Variants in SGCD observed in about 807,000 individuals in gnomAD.
SGCD encodes sarcoglycan delta, also known as delta-sarcoglycan.
Under a neutral mutation model 36.6 loss-of-function variants are expected in SGCD, and 18 were observed. That is an observed-to-expected ratio of 0.49 (90% confidence interval 0.34 to 0.73). The LOEUF (loss-of-function observed/expected upper bound fraction) is 0.73. Ranked by LOEUF, SGCD falls within the 30% of genes least tolerant of loss-of-function variation. The probability of loss-of-function intolerance (pLI) is 0.01; values close to 1 mark genes in which losing one functional copy is unlikely to be tolerated. For missense variants in SGCD, 387 were observed against 346.7 expected (o/e 1.12, Z -0.92); for synonymous variants, 133 against 130.6 (o/e 1.02, Z -0.12).
chr5:156,749,541 G>A (rs1281941398), intron 7 of SGCD, among the ~76,000 whole-genome samples: 4 of 152,166 alleles, frequency 2.6e-5, no homozygotes, highest in South Asian at 4.2e-4. Flanking sequence ...AAAAAAATAT[G>A]TGGGACAAAA....
At chr5:156,192,850 T>C (rs1311792548) in intron 3 of SGCD, among the ~76,000 whole-genome samples, 1 of 92,656 alleles carries the variant, frequency 1.1e-5, no homozygotes, top group Non-Finnish European at 2.2e-5. Context: ...TGGATGAACT[T>C]CTGTAAGAAG....
At chr5:155,736,138 C>G in the SGCD span, among the ~76,000 whole-genome samples, 1 of 152,198 alleles carries the variant, frequency 6.6e-6, no homozygotes, top group Admixed American at 6.5e-5. Context: ...TGTTAACACA[C>G]AGATCTTTAT....
intron 4 of SGCD, among the ~76,000 whole-genome samples, chr5:156,544,745 G>A (rs768246209): frequency 2.0e-5 from 3 of 151,988 alleles, no homozygotes; most frequent in Non-Finnish European, 2.9e-5. Flanking sequence ...TACACTCAAA[G>A]GTATGTACAC....
At chr5:156,681,443 A>G (rs1753718451) in intron 7 of SGCD, among the ~76,000 whole-genome samples, 3 of 152,180 alleles carry the variant, frequency 2.0e-5, no homozygotes, top group Admixed American at 2.0e-4. Flanking sequence ...TGCCAGCTGA[A>G]GTCTTTTATG....
chr5:155,741,692 T>C, the SGCD span, among the ~76,000 whole-genome samples: 82 of 150,398 alleles, frequency 5.5e-4, no homozygotes, highest in African/African-American at 1.2e-3. Flanking sequence ...CTTTTCTTTT[T>C]TTTTTTTTTT....
intron 4 of SGCD, among the ~76,000 whole-genome samples, chr5:156,539,123 C>T (rs909361760): frequency 6.6e-6 from 1 of 151,862 alleles, no homozygotes; most frequent in Non-Finnish European, 1.5e-5. Flanking sequence ...GTCTAAGGTT[C>T]GTGTATTGAG....
chr5:156,030,768 G>C (rs997290981), intron 1 of SGCD, among the ~76,000 whole-genome samples: 1 of 152,090 alleles, frequency 6.6e-6, no homozygotes, highest in East Asian at 1.9e-4. Flanking sequence ...AGAGTGAGCA[G>C]GGTTGGGACA....
At chr5:155,917,652 G>A (rs914244531) in intron 1 of SGCD, among the ~76,000 whole-genome samples, 18 of 152,188 alleles carry the variant, frequency 1.2e-4, no homozygotes, top group African/African-American at 4.3e-4. Context: ...TTTGCTCCCA[G>A]GAATACCAAG....
intron 7 of SGCD, among the ~76,000 whole-genome samples, chr5:156,736,634 C>T (rs1202692750): frequency 6.6e-6 from 1 of 152,116 alleles, no homozygotes; most frequent in East Asian, 1.9e-4. Flanking sequence ...TACCTGAGCC[C>T]CATCTCCAAG....
chr5:156,121,285 T>C (rs1166050084), intron 2 of SGCD, among the ~76,000 whole-genome samples: 1 of 152,218 alleles, frequency 6.6e-6, no homozygotes, highest in Non-Finnish European at 1.5e-5. Context: ...ACTAACATTA[T>C]GTACAGTAAT....
In SGCD at chr5:156,447,765, A is replaced by G. The variant is rs369348720; in HGVS notation, c.193-60836A>G. On this transcript the variant is annotated intron_variant, in intron 3 of 8. Transcript: ENST00000337851. ...AAACCACCATGATACATGTTCACCT[A>G]TGTAACAAACCTGCGCATCCTGCAC... Among the ~76,000 whole-genome samples, 3 of 152,326 alleles carry G rather than the reference A, an allele frequency of 2.0e-5. No homozygotes were observed. In the East Asian group the frequency reaches 5.8e-4, roughly 29 times the overall value.
intron 7 of SGCD, among the ~76,000 whole-genome samples, chr5:156,697,150 A>G (rs534750820): frequency 1.3e-5 from 2 of 152,050 alleles, no homozygotes; most frequent in Admixed American, 1.3e-4. Context: ...GGTGATGAAA[A>G]TGTTCTAAAA....
At position 156,185,505 on chromosome 5, in the gene SGCD, C is replaced by T. The variant is rs150163896; in HGVS notation, c.-44+61486C>T. Among the ~76,000 whole-genome samples the T allele has an allele frequency of 7.2e-3, 1,090 of 152,136 alleles. 9 individuals are homozygous for T. The highest frequency in any genetic ancestry group is 0.018 in the African/African-American group (745 of 41,516). ...CTGGGATTACAGATGTGAGCCACCG[C>T]GCCTGGCCTCTTTTAATTTTTTTAA... On this transcript the variant is annotated intron_variant, in intron 3 of 9. Coordinates refer to the SGCD transcript ENST00000517913.
At chr5:156,062,060 C>T (rs2127584298) in intron 1 of SGCD, among the ~76,000 whole-genome samples, 1 of 86,636 alleles carries the variant, frequency 1.2e-5, no homozygotes, top group Non-Finnish European at 2.1e-5. Flanking sequence ...TTAGGTATAT[C>T]TCCCAATGCT....
intron 6 of SGCD, among the ~76,000 whole-genome samples, chr5:156,608,578 A>G (rs1276092690): frequency 6.6e-6 from 1 of 152,158 alleles, no homozygotes; most frequent in Admixed American, 6.5e-5. Context: ...TGCAGAGCTG[A>G]GTTCAATTCC....
intron 3 of SGCD, among the ~76,000 whole-genome samples, chr5:156,388,232 A>G (rs150279959): frequency 1.3e-5 from 2 of 152,342 alleles, no homozygotes; most frequent in East Asian, 1.9e-4. Flanking sequence ...GAAATTCAAG[A>G]AGTGAGTGGA....
At chr5:156,466,252 C>G (rs1397652807) in intron 3 of SGCD, among the ~76,000 whole-genome samples, 1 of 152,140 alleles carries the variant, frequency 6.6e-6, no homozygotes, top group Non-Finnish European at 1.5e-5. Flanking sequence ...CAAGGGAAGT[C>G]ATTTCATCTC....
chr5:156,027,800 G>T (rs1759256915), intron 1 of SGCD, among the ~76,000 whole-genome samples: 1 of 152,114 alleles, frequency 6.6e-6, no homozygotes. Flanking sequence ...TAATAAATTT[G>T]GCTAATTGTC....
At chr5:156,167,410 A>T (rs965038036) in intron 3 of SGCD, among the ~76,000 whole-genome samples, 4 of 152,010 alleles carry the variant, frequency 2.6e-5, no homozygotes, top group African/African-American at 7.2e-5. Context: ...TACCTCCAAC[A>T]TGGCCTTGTA....
Sources: allele counts gnomAD v4.1 joint callset (sites outside exome capture counted in the v4.1 genomes callset), GRCh38; gene constraint gnomAD v4.1.1; transcripts MANE v1.5; gene names NCBI Gene and HGNC (gene_info 2026-07-23, HGNC 2026-07-21).